Variants in SLC17A6 observed in about 807,000 individuals in gnomAD.
The protein encoded by SLC17A6 is solute carrier family 17 member 6, also known as vesicular glutamate transporter 2.
In SLC17A6, 35 loss-of-function variants were observed where a neutral mutation model predicts 67.1. The observed-to-expected ratio is 0.52, with a 90% CI of 0.40 to 0.69. The LOEUF is 0.69. SLC17A6 is among the 30% of genes least tolerant of loss of function. SLC17A6 has a pLI of 0.00. For missense variants in SLC17A6, 588 were observed against 723.9 expected (o/e 0.81, Z 2.15); for synonymous variants, 285 against 252.3 (o/e 1.13, Z -1.23).
chr11:22,369,853 T>A (rs576087459), intron 7 of SLC17A6, among the ~76,000 whole-genome samples, 186 bp from the exon 8 acceptor site: 28 of 152,186 alleles, frequency 1.8e-4, no homozygotes, highest in Non-Finnish European at 3.8e-4. Context: ...TTATTTTTTT[T>A]CTCTTCCAAT....
At position 22,365,534 on chromosome 11, in the gene SLC17A6, C is replaced by A; in HGVS notation, c.749-13C>A. The A allele has an allele frequency of 6.2e-7, 1 of 1,613,726 alleles. No individual in the cohort carries two copies. The highest frequency in any genetic ancestry group is 8.5e-7 in the Non-Finnish European group (1 of 1,179,726). ...ATGGAAGTGACTTTCTCCTTCTGAACTGTTGCTTGCAGGAAGCTTTGGAAT... is the reference window on the plus strand; with the variant it reads ...ATGGAAGTGACTTTCTCCTTCTGAAATGTTGCTTGCAGGAAGCTTTGGAAT... On this transcript the variant is annotated splice_polypyrimidine_tract_variant and intron_variant, in intron 6 of 11. Transcript: ENST00000263160.
chr11:22,377,212 A>G (rs1856241137), intron 11 of SLC17A6, among the ~76,000 whole-genome samples, 193 bp from the exon 12 acceptor site: 1 of 152,246 alleles, frequency 6.6e-6, no homozygotes, highest in Non-Finnish European at 1.5e-5. Context: ...AAACTTTTAG[A>G]TTTAAAACAT....
chr11:22,365,443 CTTCT>C, intron 6 of SLC17A6, 100 bp from the exon 7 acceptor site: 2 of 1,289,498 alleles, frequency 1.6e-6, no homozygotes, highest in Non-Finnish European at 2.2e-6. Context: ...AGCTTGAATT[CTTCT>C]TTCTAATAGA....
At chr11:22,351,791 T>G (rs189065568) in intron 3 of SLC17A6, among the ~76,000 whole-genome samples, 83 of 152,280 alleles carry the variant, frequency 5.5e-4, no homozygotes, top group African/African-American at 1.7e-3. Flanking sequence ...AGAGAATAAC[T>G]TTAAAACGTT....
Position 22,339,155 on chromosome 11 carries a change from A to ATGT in SLC17A6, c.86+537_86+538insGTT, listed in dbSNP as rs1564976506. On this transcript the variant is annotated intron_variant, in intron 1 of 11. Transcript: ENST00000263160. ...TTATATATATATGTTATATATAGTT[A>ATGT]TATATATATGTTATATATATATGTT... 9.4e-4 allele frequency among the ~76,000 whole-genome samples: 27 copies of ATGT among 28,710 alleles called. 4 individuals carry two copies. Among genetic ancestry groups the ATGT allele is most frequent in the Middle Eastern group, 0.015 (1 of 68 alleles). The allele number at this position is 28,710 out of a possible 152,430, so 18.8% of individuals were successfully genotyped here. A position where few individuals can be genotyped will look rare whatever the true frequency, so the allele number is the denominator to read the frequency against.
chr11:22,368,629 A>G (rs1856139361), intron 7 of SLC17A6, among the ~76,000 whole-genome samples: 1 of 152,194 alleles, frequency 6.6e-6, no homozygotes, highest in South Asian at 2.1e-4. Flanking sequence ...ATCTTTGCCC[A>G]ACAGGGAAAA....
At chr11:22,362,948 T>C in intron 6 of SLC17A6, 123 bp downstream of exon 6, 1 of 698,678 alleles carries the variant, frequency 1.4e-6, no homozygotes, top group East Asian at 2.8e-5. Context: ...TTTCTTCTCT[T>C]AAGAATCCTT....
At chr11:22,355,632 A>T (rs1269450220) in intron 3 of SLC17A6, among the ~76,000 whole-genome samples, 1 of 152,094 alleles carries the variant, frequency 6.6e-6, no homozygotes, top group East Asian at 1.9e-4. Flanking sequence ...TTCTTGGACT[A>T]TCTAACACTT....
intron 3 of SLC17A6, among the ~76,000 whole-genome samples, chr11:22,343,640 G>T (rs2133858891): frequency 6.6e-6 from 1 of 152,298 alleles, no homozygotes; most frequent in Middle Eastern, 3.4e-3. Context: ...TCGACGTGCT[G>T]TATGGCCTGA....
At chr11:22,367,960 T>A (rs754743142) in intron 7 of SLC17A6, among the ~76,000 whole-genome samples, 6 of 152,212 alleles carry the variant, frequency 3.9e-5, no homozygotes, top group South Asian at 4.1e-4. Context: ...GTGAGTGAAT[T>A]TAATATACAG....
chr11:22,354,677 C>G (rs992766181), intron 3 of SLC17A6, among the ~76,000 whole-genome samples: 1 of 152,102 alleles, frequency 6.6e-6, no homozygotes, highest in South Asian at 2.1e-4. Context: ...GTAAGTAGAT[C>G]TTAGTGGTTA....
intron 5 of SLC17A6, among the ~76,000 whole-genome samples, chr11:22,362,525 G>A (rs980329334): frequency 6.6e-6 from 1 of 152,148 alleles, no homozygotes; most frequent in Non-Finnish European, 1.5e-5. Flanking sequence ...TGTGTCTTGG[G>A]TAGGAGGTAG....
chr11:22,342,029 G>A (rs1855821656), intron 2 of SLC17A6, among the ~76,000 whole-genome samples: 1 of 152,256 alleles, frequency 6.6e-6, no homozygotes, highest in South Asian at 2.1e-4. Flanking sequence ...CAGGTTTTGT[G>A]AACTGTGACT....
intron 3 of SLC17A6, among the ~76,000 whole-genome samples, chr11:22,356,102 C>T (rs1453669684): frequency 6.6e-6 from 1 of 152,120 alleles, no homozygotes; most frequent in African/African-American, 2.4e-5. Context: ...TTCTTGGCCA[C>T]ACTTTGTTTC....
intron 4 of SLC17A6, among the ~76,000 whole-genome samples, chr11:22,359,881 T>G (rs535781114): frequency 2.0e-5 from 3 of 152,240 alleles, no homozygotes; most frequent in African/African-American, 7.2e-5. Flanking sequence ...CTTGGGAGTT[T>G]TATACTAAGT....
chr11:22,366,072 C>A (rs1856108609), intron 7 of SLC17A6, among the ~76,000 whole-genome samples: 1 of 151,824 alleles, frequency 6.6e-6, no homozygotes. Context: ...ATACAGTAGT[C>A]CCCCCGCATC....
At chr11:22,364,231 A>G (rs75390173) in intron 6 of SLC17A6, among the ~76,000 whole-genome samples, 2,187 of 152,240 alleles carry the variant, frequency 0.014, 75 homozygotes, top group East Asian at 0.1. Context: ...GATAATACAT[A>G]TAAAGTAATT....
At position 22,340,417 on chromosome 11, in the gene SLC17A6, CT is replaced by C. The variant is rs1564977064; in HGVS notation, c.87-1107del. Among the ~76,000 whole-genome samples the C allele has an allele frequency of 2.0e-5, 3 of 152,278 alleles. No homozygotes were observed. The South Asian group carries it at 6.2e-4, about 32-fold the overall frequency. On this transcript the variant is annotated intron_variant, in intron 1 of 11. Coordinates refer to ENST00000263160, the MANE Select transcript of SLC17A6 (RefSeq NM_020346.3). ...CTACCACCTTTTAGTAAAACCATTC[CT>C]TTTCTCTGCATTCCCCTTTTCATTT...
intron 6 of SLC17A6, 93 bp downstream of exon 6, chr11:22,362,918 T>G: frequency 1.1e-6 from 1 of 876,122 alleles, no homozygotes; most frequent in Non-Finnish European, 1.9e-6. Flanking sequence ...CTAAATACAT[T>G]TCTATGTTTA....
Sources: gnomAD v4.1 joint callset for allele counts (sites outside exome capture counted in the v4.1 genomes callset) on GRCh38, gnomAD v4.1.1 for gene constraint, MANE v1.5 for transcripts, NCBI Gene and HGNC (gene_info 2026-07-23, HGNC 2026-07-21) for gene names.